NLRP5: variants seen among roughly 807,000 people sequenced by gnomAD.
NLRP5 encodes NLR family pyrin domain containing 5.
A neutral mutation model predicts 113.1 loss-of-function variants in NLRP5; 93 were observed. The ratio of observed to expected loss-of-function variants is 0.82; its 90% CI spans 0.70 to 0.98. The LOEUF (loss-of-function observed/expected upper bound fraction) is 0.98. Among genes scored for constraint, NLRP5 ranks in the 50% least tolerant of loss-of-function variants. The pLI is 0.00. For missense variants in NLRP5, 1,808 were observed against 1,514.3 expected (o/e 1.19, Z -3.22); for synonymous variants, 751 against 600.7 (o/e 1.25, Z -3.66).
intron 7 of NLRP5, among the ~76,000 whole-genome samples, chr19:56,030,956 C>T (rs893620369): frequency 7.2e-5 from 11 of 151,804 alleles, no homozygotes; most frequent in Non-Finnish European, 1.2e-4. Context: ...TTGTGATCCT[C>T]CCATCTTGGC....
rs996303943 is a variant in NLRP5, at chr19:56,037,941, G to A, written c.2616-84G>A. ...AGTTCGAGGACCAGGAAAACGGCCA[G>A]CGCTGCTGGCGTGTGCTGAGTAGAG... On this transcript the variant is annotated intron_variant, in intron 9 of 14. Transcript: ENST00000390649. The A allele has an allele frequency of 1.6e-5, 23 of 1,424,138 alleles. No homozygotes were observed. The African/African-American group carries it at 3.0e-4, about 18-fold the overall frequency. The allele number at this position is 1,424,138 out of a possible 1,614,324, so 88.2% of individuals were successfully genotyped here.
At chr19:56,047,861 T>C (rs1983785374) in intron 11 of NLRP5, among the ~76,000 whole-genome samples, 1 of 152,316 alleles carries the variant, frequency 6.6e-6, no homozygotes, top group South Asian at 2.1e-4. Flanking sequence ...ATCTATCTCA[T>C]TTTTTAGGTC....
chr19:56,003,647 G>T (rs1283627450), intron 1 of NLRP5, 89 bp from the exon 2 acceptor site: 1 of 1,449,234 alleles, frequency 6.9e-7, no homozygotes, highest in Non-Finnish European at 9.3e-7. Context: ...AGAGAAGGCC[G>T]TTCATCTAGT....
rs1450029125 is a variant in NLRP5 at position 56,002,886 on chromosome 19, T to C, written c.63-830T>C. Reference sequence around the variant, plus strand: ...ATTGCTGTTGGACATTTAGGTTGGTTCCAAGTCTTTGCTATTGTGAATAGT... The same window carrying C: ...ATTGCTGTTGGACATTTAGGTTGGTCCCAAGTCTTTGCTATTGTGAATAGT... On this transcript the variant is annotated intron_variant, in intron 1 of 14. Coordinates refer to ENST00000390649, the MANE Select transcript of NLRP5 (RefSeq NM_153447.4). Among the ~76,000 whole-genome samples, 16 of 152,180 alleles carry C rather than the reference T, an allele frequency of 1.1e-4. 1 individual carries two copies. The highest frequency in any genetic ancestry group is 7.3e-5 in the Non-Finnish European group (5 of 68,032).
At chr19:56,052,204 G>C (rs1983954921) in intron 12 of NLRP5, among the ~76,000 whole-genome samples, 1 of 151,920 alleles carries the variant, frequency 6.6e-6, no homozygotes, top group Non-Finnish European at 1.5e-5. Context: ...TTTTGGTTTG[G>C]ATTTTTGTGT....
intron 6 of NLRP5, among the ~76,000 whole-genome samples, chr19:56,021,349 A>T (rs1014011161): frequency 2.0e-5 from 3 of 152,216 alleles, no homozygotes; most frequent in African/African-American, 7.2e-5. Flanking sequence ...GATTTTATAT[A>T]CCATAAAGTT....
intron 11 of NLRP5, among the ~76,000 whole-genome samples, chr19:56,047,946 G>A (rs1464281871): frequency 1.3e-5 from 2 of 152,148 alleles, no homozygotes; most frequent in African/African-American, 4.8e-5. Flanking sequence ...ATATTTTCCT[G>A]TTGGACAAGG....
the NLRP5 span, among the ~76,000 whole-genome samples, chr19:55,992,760 G>A: frequency 2.0e-5 from 3 of 152,180 alleles, no homozygotes; most frequent in African/African-American, 7.2e-5. Flanking sequence ...CCTTCTGGGA[G>A]ATTTGCTGAC....
At chr19:56,032,524 C>G in intron 7 of NLRP5, 87 bp from the exon 8 acceptor site, 1 of 1,260,730 alleles carries the variant, frequency 7.9e-7, no homozygotes, top group Non-Finnish European at 1.1e-6. Flanking sequence ...ACCTCGAGAG[C>G]TCGGTCCCTC....
intron 13 of NLRP5, among the ~76,000 whole-genome samples, chr19:56,057,719 G>A (rs1223076874): frequency 1.3e-5 from 2 of 152,030 alleles, no homozygotes; most frequent in African/African-American, 2.4e-5. Context: ...CCTCACCTGG[G>A]AACTCGTTAG....
chr19:56,050,289 GA>G lies in NLRP5; in HGVS notation c.2958-120del, dbSNP rs565376878. On this transcript the variant is annotated intron_variant, in intron 11 of 14. Transcript: ENST00000390649. ...AGCAAGACTCCTCAAAAAAAAAAAA[GA>G]AAAAAAAACAAATATGACCCCACCC... is the stretch of plus-strand genomic sequence containing the variant. 23 of 665,192 alleles carry G rather than the reference GA, an allele frequency of 3.5e-5. No homozygotes were observed. In the Admixed American group the frequency reaches 6.2e-4, roughly 18 times the overall value. 41.2% of individuals were successfully genotyped at this position (665,192 alleles called of 1,614,324 possible). A position where few individuals can be genotyped will look rare whatever the true frequency, so the allele number is the denominator to read the frequency against.
chr19:55,987,506 G>A, the NLRP5 span, among the ~76,000 whole-genome samples: 2 of 152,306 alleles, frequency 1.3e-5, no homozygotes, highest in African/African-American at 2.4e-5. Context: ...CCGTAACTTA[G>A]TTATTGAAAT....
At chr19:56,053,262 G>A (rs1983997052) in intron 12 of NLRP5, among the ~76,000 whole-genome samples, 1 of 151,968 alleles carries the variant, frequency 6.6e-6, no homozygotes, top group Admixed American at 6.6e-5. Context: ...GGGCACAGTG[G>A]CACGTGCCTG....
At chr19:56,011,168 C>T (rs1006191793) in intron 3 of NLRP5, among the ~76,000 whole-genome samples, 6 of 91,420 alleles carry the variant, frequency 6.6e-5, no homozygotes, top group African/African-American at 1.9e-4. Flanking sequence ...AATATATATA[C>T]ACACATACAT....
chr19:56,002,432 G>T (rs1483359612), intron 1 of NLRP5, among the ~76,000 whole-genome samples: 1 of 151,686 alleles, frequency 6.6e-6, no homozygotes, highest in Non-Finnish European at 1.5e-5. Context: ...ATTAGTAACT[G>T]GTAGGAATCT....
At chr19:56,001,531 A>G (rs927059162) in intron 1 of NLRP5, among the ~76,000 whole-genome samples, 6 of 152,080 alleles carry the variant, frequency 3.9e-5, no homozygotes, top group Non-Finnish European at 7.4e-5. Context: ...TTTCCCATGG[A>G]AAGAATGGTA....
intron 8 of NLRP5, 63 bp from the exon 9 acceptor site, chr19:56,033,479 G>T (rs1474234011): frequency 2.3e-6 from 3 of 1,295,922 alleles, no homozygotes; most frequent in Non-Finnish European, 3.3e-6. Flanking sequence ...AGGATGGGAA[G>T]GAAAAATGAG....
intron 13 of NLRP5, among the ~76,000 whole-genome samples, chr19:56,057,013 G>A (rs993486693): frequency 6.6e-6 from 1 of 152,076 alleles, no homozygotes; most frequent in Non-Finnish European, 1.5e-5. Context: ...GCAGGCGCTT[G>A]TAATCCCAGC....
chr19:56,044,565 G>A (rs530723246), intron 11 of NLRP5, among the ~76,000 whole-genome samples: 19 of 152,246 alleles, frequency 1.2e-4, no homozygotes, highest in East Asian at 9.6e-4. Flanking sequence ...ATTCTGTTTC[G>A]TTGGTCTATG....
Sources: gnomAD v4.1 joint callset for allele counts (sites outside exome capture counted in the v4.1 genomes callset) on GRCh38, gnomAD v4.1.1 for gene constraint, MANE v1.5 for transcripts, NCBI Gene and HGNC (gene_info 2026-07-23, HGNC 2026-07-21) for gene names.